Variants in SLC8A1 observed in about 807,000 individuals in gnomAD.
SLC8A1 encodes the protein solute carrier family 8 member A1.
A neutral mutation model predicts 68.3 loss-of-function variants in SLC8A1; 18 were observed. That is an observed-to-expected ratio of 0.26 (90% CI 0.18 to 0.39). The LOEUF is 0.39. SLC8A1 is among the 10% of genes least tolerant of loss of function. The pLI, the probability that SLC8A1 is intolerant of heterozygous loss-of-function variation, is 1.00. For synonymous variants in SLC8A1, 475 were observed against 415.5 expected (o/e 1.14, Z -1.74); for missense variants, 985 against 1,156.7 (o/e 0.85, Z 2.15).
At chr2:40,286,579 A>C (rs189780338) in intron 2 of SLC8A1, among the ~76,000 whole-genome samples, 35 of 152,308 alleles carry the variant, frequency 2.3e-4, no homozygotes, top group Middle Eastern at 3.4e-3. Flanking sequence ...TAAGATAGGA[A>C]GTTTAAGTTC....
At chr2:40,404,564 T>G (rs913854513) in intron 2 of SLC8A1, among the ~76,000 whole-genome samples, 2 of 152,232 alleles carry the variant, frequency 1.3e-5, no homozygotes, top group Non-Finnish European at 2.9e-5. Context: ...TTAATTAAAC[T>G]AATGAATCAT....
At chr2:40,178,621 T>G (rs1001054124) in intron 2 of SLC8A1, 128 bp from the exon 3 acceptor site, 12 of 744,856 alleles carry the variant, frequency 1.6e-5, no homozygotes, top group Non-Finnish European at 2.5e-5. Flanking sequence ...ACTTCTGTAC[T>G]GTGAGTTTTT....
intron 2 of SLC8A1, among the ~76,000 whole-genome samples, chr2:40,349,642 C>T (rs757109839): frequency 1.3e-5 from 2 of 152,092 alleles, no homozygotes; most frequent in Non-Finnish European, 2.9e-5. Flanking sequence ...AGCACAGTGC[C>T]TGGCATGTAA....
chr2:40,246,157 G>A (rs392317), intron 2 of SLC8A1, among the ~76,000 whole-genome samples: 123,055 of 152,174 alleles, frequency 0.81, 50,584 homozygotes, highest in Middle Eastern at 0.88. Context: ...AGATGAAATG[G>A]AAAAATGTAT....
intron 2 of SLC8A1, chr2:40,250,524 G>A (rs548752333): frequency 1.7e-5 from 2 of 121,134 alleles, no homozygotes; most frequent in Non-Finnish European, 3.6e-5. Flanking sequence ...GTGCAAGCGT[G>A]GGGGGGCGGT....
intron 2 of SLC8A1, among the ~76,000 whole-genome samples, chr2:40,404,377 G>A (rs1689679907): frequency 1.3e-5 from 2 of 152,058 alleles, no homozygotes; most frequent in South Asian, 4.2e-4. Context: ...CATTTCCTCT[G>A]TAATGCAACA....
intron 2 of SLC8A1, among the ~76,000 whole-genome samples, chr2:40,343,174 A>G (rs1197651392): frequency 6.6e-6 from 1 of 152,160 alleles, no homozygotes; most frequent in Non-Finnish European, 1.5e-5. Context: ...AAGCAGAGTA[A>G]CATATAGTAC....
At chr2:40,353,972 G>A (rs1671910020) in intron 2 of SLC8A1, among the ~76,000 whole-genome samples, 1 of 152,188 alleles carries the variant, frequency 6.6e-6, no homozygotes, top group Non-Finnish European at 1.5e-5. Context: ...ACAGTAAGTG[G>A]TTGATCCAAT....
At chr2:40,485,746 T>C (rs1034519252) in intron 1 of SLC8A1, among the ~76,000 whole-genome samples, 1 of 152,202 alleles carries the variant, frequency 6.6e-6, no homozygotes. Context: ...AAGACAACTT[T>C]AGTAACAAGA....
chr2:40,234,680 T>C (rs2060132813), intron 2 of SLC8A1, among the ~76,000 whole-genome samples: 1 of 152,188 alleles, frequency 6.6e-6, no homozygotes, highest in African/African-American at 2.4e-5. Flanking sequence ...CTTGTGCCAG[T>C]TTTCAAAGGG....
intron 2 of SLC8A1, among the ~76,000 whole-genome samples, chr2:40,310,129 T>A (rs1470307364): frequency 1.3e-5 from 2 of 152,226 alleles, no homozygotes; most frequent in African/African-American, 2.4e-5. Flanking sequence ...CATACATGTA[T>A]CTGTACTAAC....
intron 4 of SLC8A1, among the ~76,000 whole-genome samples, chr2:40,170,871 T>C (rs1184777491): frequency 6.6e-6 from 1 of 152,144 alleles, no homozygotes; most frequent in Non-Finnish European, 1.5e-5. Context: ...TTTCTCCCCA[T>C]GTAAAATGGT....
chr2:40,235,937 T>C (rs1483472980), intron 2 of SLC8A1, among the ~76,000 whole-genome samples: 2 of 151,862 alleles, frequency 1.3e-5, no homozygotes, highest in African/African-American at 4.8e-5. Context: ...TCCTGAGTTC[T>C]AGTTTGATTG....
intron 3 of SLC8A1, among the ~76,000 whole-genome samples, chr2:40,176,777 T>C (rs1199181685): frequency 6.6e-6 from 1 of 152,226 alleles, no homozygotes. Context: ...TCTCATTATA[T>C]CATACTGCTC....
intron 2 of SLC8A1, chr2:40,178,392 T>C: frequency 6.2e-7 from 1 of 1,613,682 alleles, no homozygotes; most frequent in Non-Finnish European, 8.5e-7. Flanking sequence ...CCCACCTTTC[T>C]TCTCACTCAT....
intron 5 of SLC8A1, 30 bp from the exon 9 acceptor site, chr2:40,160,894 G>A (rs961704388): frequency 3.3e-6 from 5 of 1,534,208 alleles, no homozygotes; most frequent in East Asian, 2.2e-5. Context: ...AAATATAAAT[G>A]CTGGGTTCGC....
chr2:40,302,033 G>C (rs1232262651), intron 2 of SLC8A1, among the ~76,000 whole-genome samples: 1 of 102,160 alleles, frequency 9.8e-6, no homozygotes, highest in Non-Finnish European at 2.0e-5. Context: ...GGGCTAATCT[G>C]TGTGTGTGTG....
At chr2:40,223,834 C>T (rs192853512) in intron 2 of SLC8A1, 41 of 151,970 alleles carry the variant, frequency 2.7e-4, no homozygotes, top group Non-Finnish European at 1.9e-4. Flanking sequence ...ACTGCTTTTT[C>T]CCGAATCTGT....
chr2:40,440,431 G>A (rs1329706037), intron 1 of SLC8A1, among the ~76,000 whole-genome samples: 1 of 152,094 alleles, frequency 6.6e-6, no homozygotes, highest in Non-Finnish European at 1.5e-5. Context: ...CTTTGCTAAT[G>A]CAACAATTAT....
Sources: allele counts gnomAD v4.1 joint callset (sites outside exome capture counted in the v4.1 genomes callset), GRCh38; gene constraint gnomAD v4.1.1; transcripts MANE v1.5; gene names NCBI Gene and HGNC (gene_info 2026-07-23, HGNC 2026-07-21).